The following LIAS variants were observed in gnomAD, a reference collection of about 807,000 sequenced individuals.
The protein encoded by LIAS is lipoic acid synthetase, also known as lipoyl synthase, mitochondrial.
LIAS carries 36 observed loss-of-function variants against 49.4 expected under a neutral mutation model. The ratio of observed to expected loss-of-function variants is 0.73; its 90% CI spans 0.56 to 0.96. The LOEUF is 0.96. Ranked by LOEUF, LIAS falls within the 40% of genes least tolerant of loss-of-function variation. The probability of loss-of-function intolerance (pLI) is 0.00; values close to 1 mark genes in which losing one functional copy is unlikely to be tolerated. For synonymous variants in LIAS, 145 were observed against 155.8 expected, an observed-to-expected ratio of 0.93 and a Z score of 0.52; for missense variants, 399 against 456.3, an observed-to-expected ratio of 0.87 and a Z score of 1.14.
At chr4:39,461,784 T>C (rs1051031598) in intron 2 of LIAS, among the ~76,000 whole-genome samples, 5 of 152,244 alleles carry the variant, frequency 3.3e-5, no homozygotes, top group Admixed American at 6.5e-5. Context: ...AAGCTCCGCC[T>C]CCTGGGTTCA....
intron 3 of LIAS, among the ~76,000 whole-genome samples, 154 bp downstream of exon 3, chr4:39,462,443 A>G (rs1744554792): frequency 6.6e-6 from 1 of 152,194 alleles, no homozygotes; most frequent in Admixed American, 6.5e-5. Context: ...TATATTTAGA[A>G]TCATTTTTCC....
intron 10 of LIAS, chr4:39,476,362 C>G (rs1169229615): frequency 6.6e-6 from 1 of 152,220 alleles, no homozygotes; most frequent in East Asian, 1.9e-4. Flanking sequence ...ATAGACTCAT[C>G]ACAGTTCTAC....
chr4:39,462,196 G>A lies in LIAS; in HGVS notation c.219G>A (p.Arg73=), dbSNP rs760903814. ...GATAGTTATGTTTGGCTTTCCTTAG[G>A]TTAAGACTACCTCCATGGCTAAAGA... ...KGNLKRQKGE[R]LRLPPWLKTE... Residue 73 remains arginine, a splice_region_variant and synonymous_variant, in exon 3 of 11, where the codon AGG becomes AGA. Transcript: ENST00000640888. 3 of 1,504,344 alleles carry A rather than the reference G, an allele frequency of 2.0e-6. No individual in the cohort carries two copies. Among genetic ancestry groups the A allele is most frequent in the Non-Finnish European group, 2.7e-6 (3 of 1,116,170 alleles). 93.2% of individuals were successfully genotyped at this position (1,504,344 alleles called of 1,614,324 possible). A position where few individuals can be genotyped will look rare whatever the true frequency, so the allele number is the denominator to read the frequency against.
intron 6 of LIAS, 118 bp from the exon 7 acceptor site, chr4:39,467,400 C>T (rs559528272): frequency 1.9e-4 from 184 of 957,370 alleles, no homozygotes; most frequent in Admixed American, 4.5e-4. Flanking sequence ...CTTTTCTTGA[C>T]AAAGTTCTAA....
intron 10 of LIAS, among the ~76,000 whole-genome samples, chr4:39,474,403 A>C (rs1272581372): frequency 6.6e-6 from 1 of 151,836 alleles, no homozygotes; most frequent in Non-Finnish European, 1.5e-5. Context: ...CTACAGCTCC[A>C]GCCTGGGTGA....
intron 9 of LIAS, among the ~76,000 whole-genome samples, chr4:39,472,728 T>C (rs1463713681): frequency 7.2e-5 from 11 of 152,186 alleles, no homozygotes; most frequent in African/African-American, 4.8e-5. Flanking sequence ...AGATACAAGT[T>C]GAGTAAGACA....
In LIAS at chr4:39,478,472, C is replaced by T. The variant is rs1745283847; in HGVS notation, c.*1357C>T. On this transcript the variant is annotated 3_prime_UTR_variant, in exon 11 of 11. Coordinates refer to ENST00000640888, the MANE Select transcript of LIAS (RefSeq NM_006859.4). ...TGAGGCGATATCGTGCCACTGCACTCCAGCCCGGGCAACAGAGTGAGACTG... is the reference window on the plus strand; with the variant it reads ...TGAGGCGATATCGTGCCACTGCACTTCAGCCCGGGCAACAGAGTGAGACTG... 6.6e-6 allele frequency: 1 copy of T among 152,162 alleles called. No homozygotes were observed. The highest frequency in any genetic ancestry group is 1.5e-5 in the Non-Finnish European group (1 of 68,046). 9.4% of individuals were successfully genotyped at this position (152,162 alleles called of 1,614,324 possible). A position where few individuals can be genotyped will look rare whatever the true frequency, so the allele number is the denominator to read the frequency against.
At chr4:39,459,254 A>G in intron 1 of LIAS, 92 bp downstream of exon 1, 7 of 1,183,336 alleles carry the variant, frequency 5.9e-6, no homozygotes, top group Non-Finnish European at 8.4e-6. Context: ...CAGTGCATTT[A>G]CTGAACATTT....
At chr4:39,462,348 A>G (rs1744549266) in intron 3 of LIAS, 59 bp downstream of exon 3, 2 of 659,572 alleles carry the variant, frequency 3.0e-6, no homozygotes, top group Non-Finnish European at 4.6e-6. Context: ...CTACGTTTAT[A>G]TAACTTAAAA....
intron 10 of LIAS, chr4:39,476,073 T>C (rs146252410): frequency 5.2e-4 from 79 of 152,336 alleles, no homozygotes; most frequent in African/African-American, 1.9e-3. Flanking sequence ...AGAACCACTA[T>C]CAGCTTCTAG....
chr4:39,467,387 A>G, intron 6 of LIAS, 131 bp from the exon 7 acceptor site: 1 of 812,582 alleles, frequency 1.2e-6, no homozygotes, highest in Non-Finnish European at 1.8e-6. Context: ...CTGTATGTTC[A>G]TACTTTTCTT....
chr4:39,470,331 TA>T (rs33923717), intron 8 of LIAS, among the ~76,000 whole-genome samples, 167 bp downstream of exon 8: 448 of 140,930 alleles, frequency 3.2e-3, no homozygotes, highest in African/African-American at 6.5e-3. Context: ...AAATACAAGT[TA>T]AAAAAAAAAA....
chr4:39,460,870 A>T lies in LIAS; in HGVS notation c.126A>T (p.Gly42=), dbSNP rs1744459643. The T allele has an allele frequency of 1.9e-6, 3 of 1,613,648 alleles. No homozygotes were observed. The East Asian group carries it at 6.7e-5, about 36-fold the overall frequency. ...AAAAAAAGGAACTCCTACAGAATGG[A>T]CCAGACCTTCAAGATTTTGTATCTG... ...PDKKKELLQN[G]PDLQDFVSGD... Residue 42 remains glycine (G), a synonymous_variant, in exon 2 of 11, where the codon GGA becomes GGT. Coordinates refer to ENST00000640888, the MANE Select transcript of LIAS (RefSeq NM_006859.4).
rs780583676 is a variant in LIAS, at chr4:39,465,214, A to G, written c.550+12A>G. On this transcript the variant is annotated intron_variant, in intron 5 of 10. Transcript: ENST00000640888. Reference sequence around the variant, plus strand: ...TGTGGATCGAGATGGTTAGTGTGTCATCATGGCCTCTACCAGAAACTGGCT... The same window carrying G: ...TGTGGATCGAGATGGTTAGTGTGTCGTCATGGCCTCTACCAGAAACTGGCT... 1.9e-6 allele frequency: 3 copies of G among 1,613,030 alleles called. No individual in the cohort carries two copies. Among genetic ancestry groups the G allele is most frequent in the South Asian group, 2.2e-5 (2 of 90,922 alleles).
At chr4:39,462,924 T>C (rs1473151059) in intron 3 of LIAS, among the ~76,000 whole-genome samples, 2 of 152,196 alleles carry the variant, frequency 1.3e-5, no homozygotes, top group Admixed American at 6.5e-5. Context: ...GAGGTGGAGA[T>C]TGCAGTGAGC....
In LIAS at chr4:39,477,305, G is replaced by T. The variant is rs1400069101; in HGVS notation, c.*190G>T. 8 of 482,180 alleles carry T rather than the reference G, an allele frequency of 1.7e-5. No homozygotes were observed. In the Admixed American group the frequency reaches 1.7e-4, roughly 10 times the overall value. 29.9% of individuals were successfully genotyped at this position (482,180 alleles called of 1,614,324 possible). On this transcript the variant is annotated 3_prime_UTR_variant, in exon 11 of 11. Coordinates refer to ENST00000640888, the MANE Select transcript of LIAS (RefSeq NM_006859.4). Reference sequence around the variant, plus strand: ...GCACTTTAGGAGGCCAAGGCGGGTGGATCACCTGAGGTCAGGAGTTCGAGA... The same window carrying T: ...GCACTTTAGGAGGCCAAGGCGGGTGTATCACCTGAGGTCAGGAGTTCGAGA...
chr4:39,476,981 C>T, intron 10 of LIAS, 82 bp from the exon 11 acceptor site: 1 of 955,636 alleles, frequency 1.0e-6, no homozygotes, highest in African/African-American at 1.7e-5. Flanking sequence ...AGGGGGAACA[C>T]CAAAAATATA....
At chr4:39,459,879 G>A (rs1302200672) in intron 1 of LIAS, among the ~76,000 whole-genome samples, 1 of 151,632 alleles carries the variant, frequency 6.6e-6, no homozygotes, top group Non-Finnish European at 1.5e-5. Flanking sequence ...AGAATCGCTT[G>A]AACCCGCGAG....
intron 10 of LIAS, chr4:39,474,985 G>C (rs1253845491): frequency 6.6e-6 from 1 of 152,090 alleles, no homozygotes; most frequent in Non-Finnish European, 1.5e-5. Flanking sequence ...GAGGTGGGCA[G>C]ATCACAAGGT....
Sources: gnomAD v4.1 joint callset for allele counts (sites outside exome capture counted in the v4.1 genomes callset) on GRCh38, gnomAD v4.1.1 for gene constraint, MANE v1.5 for transcripts, NCBI Gene and HGNC (gene_info 2026-07-23, HGNC 2026-07-21) for gene names.